DIPK1A: variants seen among roughly 807,000 people sequenced by gnomAD.
DIPK1A encodes divergent protein kinase domain 1A.
In DIPK1A, 27 loss-of-function variants were observed where a neutral mutation model predicts 40.8. The ratio of observed to expected loss-of-function variants is 0.66; its 90% CI spans 0.49 to 0.91. The LOEUF is 0.91. Among genes scored for constraint, DIPK1A ranks in the 40% least tolerant of loss-of-function variants. DIPK1A has a pLI of 0.00. For synonymous variants in DIPK1A, 166 were observed against 171.3 expected (o/e 0.97, Z 0.24); for missense variants, 412 against 505.7 (o/e 0.81, Z 1.78).
chr1:92,840,723 A>G (rs779250986), downstream of DIPK1A: 2 of 982,148 alleles, frequency 2.0e-6, no homozygotes, highest in South Asian at 2.6e-5. Flanking sequence ...GTAATTGTGC[A>G]AACTCGATCA....
At chr1:92,832,945 G>T in exon 5 of DIPK1A, 2 of 709,284 alleles carry the variant, frequency 2.8e-6, no homozygotes, top group Non-Finnish European at 5.2e-6. Context: ...GTGGGACATA[G>T]CGTGTTCCGA....
At chr1:92,911,727 G>T (rs758921628) in intron 1 of DIPK1A, among the ~76,000 whole-genome samples, 2 of 152,138 alleles carry the variant, frequency 1.3e-5, no homozygotes, top group East Asian at 1.9e-4. Flanking sequence ...TAGGCCAGGC[G>T]CAGTGGCTCA....
chr1:92,859,079 G>C (rs1688083109), intron 2 of DIPK1A, among the ~76,000 whole-genome samples: 1 of 152,126 alleles, frequency 6.6e-6, no homozygotes, highest in Non-Finnish European at 1.5e-5. Context: ...ACCCACCCGA[G>C]TTGAATGAAT....
intron 1 of DIPK1A, among the ~76,000 whole-genome samples, chr1:92,909,505 C>T (rs1244362693): frequency 6.6e-6 from 1 of 152,152 alleles, no homozygotes; most frequent in Non-Finnish European, 1.5e-5. Flanking sequence ...TGTACTTGTT[C>T]TCCTGTGATC....
At chr1:92,908,876 C>A (rs961383494) in intron 1 of DIPK1A, among the ~76,000 whole-genome samples, 1 of 152,078 alleles carries the variant, frequency 6.6e-6, no homozygotes, top group Non-Finnish European at 1.5e-5. Flanking sequence ...AGGATGGATG[C>A]ACATCTGAGG....
chr1:92,897,656 T>C (rs1021476670), intron 1 of DIPK1A, among the ~76,000 whole-genome samples: 1 of 151,384 alleles, frequency 6.6e-6, no homozygotes, highest in Non-Finnish European at 1.5e-5. Context: ...TAAAGTATAA[T>C]AAAAAAAAAA....
chr1:92,946,943 C>CAA (rs36065493), intron 1 of DIPK1A, among the ~76,000 whole-genome samples: 1,882 of 108,270 alleles, frequency 0.017, 32 homozygotes, highest in Non-Finnish European at 0.023. Flanking sequence ...GACCCTGTCT[C>CAA]AAAAAAAAAA....
chr1:92,840,262 C>A (rs1052104355), downstream of DIPK1A: 1 of 371,420 alleles, frequency 2.7e-6, no homozygotes, highest in African/African-American at 2.1e-5. Context: ...CCTCCCACTT[C>A]AGACTCCCAA....
chr1:92,840,448 C>G (rs1687310560), downstream of DIPK1A: 1 of 856,682 alleles, frequency 1.2e-6, no homozygotes, highest in Middle Eastern at 3.5e-4. Context: ...AGTTTAGTTC[C>G]TTTTGAGAAT....
chr1:92,891,492 T>C (rs1450533657), intron 1 of DIPK1A, among the ~76,000 whole-genome samples: 2 of 152,200 alleles, frequency 1.3e-5, no homozygotes, highest in Non-Finnish European at 2.9e-5. Context: ...TGTGTTTCTA[T>C]TTTCATTTCT....
rs183563417 is a variant in DIPK1A at position 92,891,891 on chromosome 1, C to T, written c.55-15461G>A. 7.8e-3 allele frequency among the ~76,000 whole-genome samples: 1,192 copies of T among 152,304 alleles called. 13 individuals carry two copies. The highest frequency in any genetic ancestry group is 0.027 in the African/African-American group (1,134 of 41,550). On this transcript the variant is annotated intron_variant, in intron 1 of 4. Transcript: ENST00000370310. ...CGCATGGCTTGGAGGGTCCTACGCC[C>T]ATGGAGCCTCGCTCATTGCTAGCAC...
At chr1:92,876,247 T>C (rs769957027) in intron 2 of DIPK1A, 49 bp downstream of exon 2, 20 of 1,186,958 alleles carry the variant, frequency 1.7e-5, no homozygotes, top group African/African-American at 1.1e-4. Context: ...GCAGTAAATA[T>C]AGTGTTATGA....
In DIPK1A at chr1:92,842,415, T is replaced by C. The variant is rs940705446; in HGVS notation, c.*968A>G. The C allele has an allele frequency of 5.1e-6, 5 of 980,550 alleles. No homozygotes were observed. In the South Asian group the frequency reaches 1.4e-4, roughly 28 times the overall value. 60.7% of individuals were successfully genotyped at this position (980,550 alleles called of 1,614,324 possible). A position where few individuals can be genotyped will look rare whatever the true frequency, so the allele number is the denominator to read the frequency against. ...GAAAGGTACATGCCAAATCTGAGTATACGTGTGAAAATAATATGAAAGAGG... is the reference window on the plus strand; with the variant it reads ...GAAAGGTACATGCCAAATCTGAGTACACGTGTGAAAATAATATGAAAGAGG... On this transcript the variant is annotated 3_prime_UTR_variant, in exon 5 of 5. Coordinates refer to ENST00000370310, the MANE Select transcript of DIPK1A (RefSeq NM_001006605.5).
chr1:92,917,350 G>C lies in DIPK1A; in HGVS notation c.55-40920C>G, dbSNP rs150435120. 5.4e-3 allele frequency among the ~76,000 whole-genome samples: 824 copies of C among 152,130 alleles called. 2 individuals carry two copies. The highest frequency in any genetic ancestry group is 0.02 in the Middle Eastern group (6 of 294). On this transcript the variant is annotated intron_variant, in intron 1 of 4. Coordinates refer to ENST00000370310, the MANE Select transcript of DIPK1A (RefSeq NM_001006605.5). ...TGGCTTTTGCTTTCCAAATCATTATGAGTTTTTCAACACTACTTTGCACTA... is the reference window on the plus strand; with the variant it reads ...TGGCTTTTGCTTTCCAAATCATTATCAGTTTTTCAACACTACTTTGCACTA...
rs1211597409 is a variant in DIPK1A, at chr1:92,927,369, T to G, written c.54+34007A>C. Among the ~76,000 whole-genome samples the G allele has an allele frequency of 6.1e-3, 897 of 146,528 alleles. 2 individuals carry two copies. The highest frequency in any genetic ancestry group is 0.01 in the Non-Finnish European group (686 of 66,730). On this transcript the variant is annotated intron_variant, in intron 1 of 4. Coordinates refer to ENST00000370310, the MANE Select transcript of DIPK1A (RefSeq NM_001006605.5). ...GCCACCATGCCAATTTTGTTGTTTT[T>G]TTTTTTTTTTTTTTTTTTGCAGAGA...
downstream of DIPK1A, chr1:92,837,821 C>T (rs902636631): frequency 1.6e-6 from 1 of 607,776 alleles, no homozygotes; most frequent in Non-Finnish European, 2.9e-6. Flanking sequence ...GAAGATTTGG[C>T]TACCTTTTAT....
At chr1:92,893,320 A>G (rs1648986928) in intron 1 of DIPK1A, among the ~76,000 whole-genome samples, 1 of 151,824 alleles carries the variant, frequency 6.6e-6, no homozygotes, top group African/African-American at 2.4e-5. Flanking sequence ...GAAACTCTAC[A>G]AGCCAGAAGA....
At chr1:92,845,927 T>A (rs896745509) in intron 4 of DIPK1A, 1 of 152,502 alleles carries the variant, frequency 6.6e-6, no homozygotes, top group Non-Finnish European at 1.5e-5. Context: ...CCCAGGAGGC[T>A]GAGGCTGCAA....
chr1:92,937,643 A>G (rs1650995825), intron 1 of DIPK1A, among the ~76,000 whole-genome samples: 1 of 151,086 alleles, frequency 6.6e-6, no homozygotes, highest in Non-Finnish European at 1.5e-5. Context: ...TCTCAGTACC[A>G]GGTCATTTGA....
Sources: allele counts gnomAD v4.1 joint callset (sites outside exome capture counted in the v4.1 genomes callset), GRCh38; gene constraint gnomAD v4.1.1; transcripts MANE v1.5; gene names NCBI Gene and HGNC (gene_info 2026-07-23, HGNC 2026-07-21).